TMCO4: variants seen among roughly 807,000 people sequenced by gnomAD.
TMCO4 encodes the protein transmembrane and coiled-coil domain-containing protein 4.
Under a neutral mutation model 64.7 loss-of-function variants are expected in TMCO4, and 58 were observed. The ratio of observed to expected loss-of-function variants is 0.90; its 90% CI spans 0.73 to 1.12. The LOEUF is 1.12. Ranked by LOEUF, TMCO4 falls within the 50% of genes most tolerant of loss-of-function variation. TMCO4 has a pLI of 0.00. For missense variants in TMCO4, 780 were observed against 825.9 expected, an observed-to-expected ratio of 0.94 and a Z score of 0.68; for synonymous variants, 325 against 346.1, an observed-to-expected ratio of 0.94 and a Z score of 0.68.
chr1:19,791,059 C>T (rs577844444), intron 2 of TMCO4, among the ~76,000 whole-genome samples: 1 of 152,254 alleles, frequency 6.6e-6, no homozygotes, highest in African/African-American at 2.4e-5. Context: ...AATTCAGTAA[C>T]AGAAAACCAA....
chr1:19,759,129 A>G (rs2042391607), intron 6 of TMCO4, among the ~76,000 whole-genome samples: 4 of 148,194 alleles, frequency 2.7e-5, no homozygotes. Context: ...AAAAAAAAAA[A>G]GTGCTCCATC....
chr1:19,733,046 A>G (rs1293799373), intron 13 of TMCO4, among the ~76,000 whole-genome samples: 1 of 152,112 alleles, frequency 6.6e-6, no homozygotes, highest in East Asian at 1.9e-4. Flanking sequence ...TGGGTGGATC[A>G]CTTGAGGTCG....
intron 13 of TMCO4, among the ~76,000 whole-genome samples, chr1:19,710,407 TCC>T: frequency 6.6e-6 from 1 of 152,152 alleles, no homozygotes; most frequent in Middle Eastern, 3.4e-3. Flanking sequence ...TGGCTGGAAT[TCC>T]ATTTCTTAAT....
rs561837728 is a variant in TMCO4 at position 19,734,657 on chromosome 1, C to T, written c.1264+2715G>A. ...CACCAGATGCCACCGTTTCTAGACA[C>T]CCCTGAGAGCCCCGCCTTTGCCCAT... On this transcript the variant is annotated intron_variant, in intron 13 of 15. Coordinates refer to ENST00000294543, the MANE Select transcript of TMCO4 (RefSeq NM_181719.7). The surrounding 1 kb of genome is among the most constrained non-coding windows in gnomAD (Gnocchi z 4.4). 1.3e-5 allele frequency among the ~76,000 whole-genome samples: 2 copies of T among 152,242 alleles called. No homozygotes were observed. Among genetic ancestry groups the T allele is most frequent in the East Asian group, 3.9e-4 (2 of 5,158 alleles).
chr1:19,786,759 A>T (rs1177333715), intron 3 of TMCO4, among the ~76,000 whole-genome samples: 1 of 152,230 alleles, frequency 6.6e-6, no homozygotes, highest in Non-Finnish European at 1.5e-5. Context: ...TTTTTTTAAA[A>T]AGTAGTCGAA....
At chr1:19,694,027 G>T (rs906587588) in intron 15 of TMCO4, among the ~76,000 whole-genome samples, 1 of 152,188 alleles carries the variant, frequency 6.6e-6, no homozygotes, top group South Asian at 2.1e-4. Flanking sequence ...TTAGAGACAG[G>T]GTTGTGCTCT....
chr1:19,776,884 A>C (rs1248709305), intron 4 of TMCO4, among the ~76,000 whole-genome samples: 1 of 152,076 alleles, frequency 6.6e-6, no homozygotes, highest in Non-Finnish European at 1.5e-5. Context: ...AAAATTAGCC[A>C]GGCATGGTGG....
rs1372500880 is a variant in TMCO4 at position 19,709,145 on chromosome 1, G to A, written c.1265-8260C>T. Among the ~76,000 whole-genome samples the A allele has an allele frequency of 2.0e-5, 3 of 152,264 alleles. No individual in the cohort carries two copies. The East Asian group carries it at 5.8e-4, about 29-fold the overall frequency. Reference sequence around the variant, plus strand: ...AATGAGGTTCACACTGGAAAGAATCGCTTAAAGGAGCCTGTTTGGACATAT... The same window carrying A: ...AATGAGGTTCACACTGGAAAGAATCACTTAAAGGAGCCTGTTTGGACATAT... On this transcript the variant is annotated intron_variant, in intron 13 of 15. Transcript: ENST00000294543.
At chr1:19,718,794 C>T (rs1409858225) in intron 13 of TMCO4, among the ~76,000 whole-genome samples, 2 of 152,074 alleles carry the variant, frequency 1.3e-5, no homozygotes, top group Non-Finnish European at 2.9e-5. Context: ...TACACACCAG[C>T]TCCCTGGTGT....
chr1:19,742,439 T>G (rs2095483835), intron 10 of TMCO4, among the ~76,000 whole-genome samples: 1 of 152,180 alleles, frequency 6.6e-6, no homozygotes, highest in African/African-American at 2.4e-5. Flanking sequence ...GGCCTCTACC[T>G]GCCTGCTCCA....
chr1:19,785,300 C>T (rs562614319), intron 3 of TMCO4, among the ~76,000 whole-genome samples: 1 of 152,210 alleles, frequency 6.6e-6, no homozygotes, highest in Non-Finnish European at 1.5e-5. Flanking sequence ...ATATCTTTGT[C>T]TTCTATCTCA....
At chr1:19,705,803 AC>A (rs908814790) in intron 13 of TMCO4, among the ~76,000 whole-genome samples, 129 of 152,112 alleles carry the variant, frequency 8.5e-4, no homozygotes, top group African/African-American at 2.9e-3. Context: ...AAAAAAAAAA[AC>A]AGTCAAAATC....
At chr1:19,773,008 G>A (rs1420469017) in intron 4 of TMCO4, among the ~76,000 whole-genome samples, 1 of 152,096 alleles carries the variant, frequency 6.6e-6, no homozygotes, top group African/African-American at 2.4e-5. Flanking sequence ...TGGCCAACAT[G>A]GTGAAATCCC....
Position 19,701,935 on chromosome 1 carries a change from G to T in TMCO4, c.1265-1050C>A, listed in dbSNP as rs564254974. The stretch of plus-strand genomic sequence containing the variant: ...GGATCGCTTCAGCCCAGGAGTTCAA[G>T]ACCAGCTTGGGCAACATAGTGAGAC... On this transcript the variant is annotated intron_variant, in intron 13 of 15. Transcript: ENST00000294543. Among the ~76,000 whole-genome samples, 34 of 152,250 alleles carry T rather than the reference G, an allele frequency of 2.2e-4. No homozygotes were observed. In the East Asian group the frequency reaches 5.6e-3, roughly 25 times the overall value.
intron 13 of TMCO4, among the ~76,000 whole-genome samples, chr1:19,730,965 G>T (rs185448904): frequency 3.0e-4 from 45 of 152,318 alleles, no homozygotes; most frequent in African/African-American, 1.1e-3. Flanking sequence ...TTAGGAGAGG[G>T]TCTTCTCAGT....
chr1:19,754,149 T>C (rs1372632145), intron 7 of TMCO4, among the ~76,000 whole-genome samples: 2 of 152,230 alleles, frequency 1.3e-5, no homozygotes, highest in African/African-American at 2.4e-5. Context: ...TGGCCTGTAT[T>C]AGACCTTCTG....
At chr1:19,760,929 G>GGAT (rs1321900674) in intron 6 of TMCO4, among the ~76,000 whole-genome samples, 1 of 152,236 alleles carries the variant, frequency 6.6e-6, no homozygotes. Flanking sequence ...CAGTTCTGCT[G>GGAT]GATGAGATGT....
intron 2 of TMCO4, among the ~76,000 whole-genome samples, chr1:19,793,757 G>C (rs1231436855): frequency 1.3e-5 from 2 of 152,180 alleles, no homozygotes; most frequent in African/African-American, 4.8e-5. Context: ...CAGTGCCATT[G>C]GGGTGGATAC....
At chr1:19,716,966 C>G (rs950793877) in intron 13 of TMCO4, among the ~76,000 whole-genome samples, 4 of 152,138 alleles carry the variant, frequency 2.6e-5, no homozygotes, top group Non-Finnish European at 5.9e-5. Context: ...GTGGGTGGAT[C>G]ACCTGAGGCC....
Sources: allele counts gnomAD v4.1 joint callset (sites outside exome capture counted in the v4.1 genomes callset), GRCh38; gene constraint gnomAD v4.1.1; non-coding constraint Gnocchi (gnomAD v3.1); transcripts MANE v1.5; gene names NCBI Gene and HGNC (gene_info 2026-07-23, HGNC 2026-07-21).